FIP1L1: variants seen among roughly 807,000 people sequenced by gnomAD.
The protein encoded by FIP1L1 is factor interacting with PAPOLA and CPSF1, also known as pre-mRNA 3'-end-processing factor FIP1.
In FIP1L1, 21 loss-of-function variants were observed where a neutral mutation model predicts 84.6. The observed-to-expected ratio is 0.25, with a 90% CI of 0.18 to 0.36. The LOEUF is 0.36. Among genes scored for constraint, FIP1L1 ranks in the 10% least tolerant of loss-of-function variants. The pLI is 1.00. For synonymous variants in FIP1L1, 263 were observed against 242.3 expected (o/e 1.09, Z -0.80); for missense variants, 526 against 751.1 (o/e 0.70, Z 3.50).
intron 15 of FIP1L1, among the ~76,000 whole-genome samples, chr4:53,446,789 C>T (rs1376596818): frequency 6.6e-6 from 1 of 152,062 alleles, no homozygotes; most frequent in Non-Finnish European, 1.5e-5. Flanking sequence ...TGAGATTACC[C>T]ATTCAGTTTC....
Position 53,459,785 on chromosome 4 carries a change from T to A in FIP1L1, c.*336T>A. On this transcript the variant is annotated 3_prime_UTR_variant, in exon 18 of 18. Coordinates refer to ENST00000337488, the MANE Select transcript of FIP1L1 (RefSeq NM_030917.4). ...CAAGGGTTCCACTTGGGCCACAGTT[T>A]TTTTGTTAATCAAACACCACTCTCT... 3.1e-6 allele frequency: 1 copy of A among 320,978 alleles called. No homozygotes were observed. Among genetic ancestry groups the A allele is most frequent in the South Asian group, 4.8e-5 (1 of 20,834 alleles). The allele number at this position is 320,978 out of a possible 1,614,324, so 19.9% of individuals were successfully genotyped here.
Position 53,460,774 on chromosome 4 carries a change from G to T in FIP1L1, c.*1325G>T. 1.1e-6 allele frequency: 1 copy of T among 921,648 alleles called. No homozygotes were observed. The highest frequency in any genetic ancestry group is 1.6e-6 in the Non-Finnish European group (1 of 620,534). 57.1% of individuals were successfully genotyped at this position (921,648 alleles called of 1,614,324 possible). ...TCTGAGGTGTAACTGGCTTTCATTA[G>T]ATGATCATACTTTTCCTGACATTTT... On this transcript the variant is annotated 3_prime_UTR_variant, in exon 18 of 18. Coordinates refer to ENST00000337488, the MANE Select transcript of FIP1L1 (RefSeq NM_030917.4).
chr4:53,389,977 C>A, intron 6 of FIP1L1, 104 bp downstream of exon 6: 1 of 833,034 alleles, frequency 1.2e-6, no homozygotes, highest in Non-Finnish European at 1.9e-6. Context: ...CTGGCTCTGT[C>A]ACTCAGGCTG....
At chr4:53,442,597 T>C in intron 13 of FIP1L1, 56 bp from the exon 14 acceptor site, 1 of 1,225,078 alleles carries the variant, frequency 8.2e-7, no homozygotes, top group East Asian at 2.3e-5. Flanking sequence ...TTTGTTTCAC[T>C]CTTGACATTA....
intron 11 of FIP1L1, among the ~76,000 whole-genome samples, chr4:53,425,444 G>A (rs1449721798): frequency 1.3e-5 from 2 of 152,002 alleles, no homozygotes; most frequent in Non-Finnish European, 2.9e-5. Flanking sequence ...ATGTTAAAAT[G>A]AGCATTATTT....
chr4:53,403,152 G>A (rs912571241), intron 10 of FIP1L1, among the ~76,000 whole-genome samples: 4 of 152,112 alleles, frequency 2.6e-5, no homozygotes, highest in African/African-American at 7.2e-5. Context: ...GTGAAGTGTG[G>A]GGTCAAGAGA....
intron 9 of FIP1L1, among the ~76,000 whole-genome samples, chr4:53,396,165 C>T (rs1444504263): frequency 7.2e-5 from 11 of 152,150 alleles, no homozygotes; most frequent in South Asian, 2.1e-4. Context: ...GTGATCCACC[C>T]GCCTCGGCCT....
intron 1 of FIP1L1, chr4:53,378,256 G>T (rs1042464754): frequency 3.9e-5 from 10 of 257,480 alleles, no homozygotes; most frequent in Middle Eastern, 2.1e-3. Context: ...TTTTTCTGTC[G>T]ATTCTGAGGT....
At position 53,425,909 on chromosome 4, in the gene FIP1L1, A is replaced by G. The variant is rs1382695868; in HGVS notation, c.961A>G (p.Ile321Val). ...PGAIDVIGQTITISRVEGRRR... is the reference protein window; with the variant it reads ...PGAIDVIGQTVTISRVEGRRR... ...GGCAATTGATGTTATCGGTCAGACT[A>G]TAACTATCAGCCGAGTAGAAGGCAG... The change falls in exon 12 of 18, where the codon ATA becomes GTA. Residue 321 changes from isoleucine to valine, a missense_variant. Coordinates refer to ENST00000337488, the MANE Select transcript of FIP1L1 (RefSeq NM_030917.4). The G allele has an allele frequency of 4.3e-6, 7 of 1,612,120 alleles. No homozygotes were observed. Among genetic ancestry groups the G allele is most frequent in the Non-Finnish European group, 5.1e-6 (6 of 1,178,652 alleles).
chr4:53,453,706 C>T (rs1489301919), intron 16 of FIP1L1, among the ~76,000 whole-genome samples: 1 of 152,178 alleles, frequency 6.6e-6, no homozygotes, highest in Non-Finnish European at 1.5e-5. Context: ...CTCAAGTGAT[C>T]CTCCTGGCCT....
intron 12 of FIP1L1, 103 bp from the exon 13 acceptor site, chr4:53,427,924 A>G (rs1324048712): frequency 3.0e-6 from 3 of 1,009,454 alleles, no homozygotes; most frequent in Non-Finnish European, 4.3e-6. Flanking sequence ...TGTGAATTAA[A>G]CTACCTTTTA....
intron 11 of FIP1L1, among the ~76,000 whole-genome samples, chr4:53,422,697 GAT>G (rs1013160752): frequency 6.6e-6 from 1 of 150,378 alleles, no homozygotes; most frequent in South Asian, 2.1e-4. Context: ...AAGCAGCTGA[GAT>G]ATATATATAT....
rs1744205127 is a variant in FIP1L1 at position 53,391,442 on chromosome 4, A to G, written c.649A>G (p.Thr217Ala). 1.2e-6 allele frequency: 2 copies of G among 1,612,706 alleles called. No homozygotes were observed. The highest frequency in any genetic ancestry group is 2.2e-5 in the East Asian group (1 of 44,838). The change falls in exon 9 of 18, where the codon ACT becomes GCT. Residue 217 changes from threonine to alanine, a missense_variant. Coordinates refer to ENST00000337488, the MANE Select transcript of FIP1L1 (RefSeq NM_030917.4). ...TTNKITAEDC[T>A]MEVTPGAEIQ... ...TTATTTAACTTAGGCCGAAGACTGT[A>G]CTATGGAAGTTACACCAGGTGCAGA...
chr4:53,409,085 T>G (rs1197238331), intron 10 of FIP1L1, among the ~76,000 whole-genome samples: 1 of 152,176 alleles, frequency 6.6e-6, no homozygotes, highest in African/African-American at 2.4e-5. Context: ...TTTTTAGAGT[T>G]TCGAGTTTTT....
Position 53,377,671 on chromosome 4 carries a change from C to G in FIP1L1, c.-168C>G. 1.7e-6 allele frequency: 1 copy of G among 604,784 alleles called. No homozygotes were observed. Among genetic ancestry groups the G allele is most frequent in the Non-Finnish European group, 2.8e-6 (1 of 360,362 alleles). 37.5% of individuals were successfully genotyped at this position (604,784 alleles called of 1,614,324 possible). On this transcript the variant is annotated 5_prime_UTR_variant, in exon 1 of 18. Coordinates refer to ENST00000337488, the MANE Select transcript of FIP1L1 (RefSeq NM_030917.4). The stretch of plus-strand genomic sequence containing the variant: ...TGCGCAGACGGACCTGCGCTGGAGG[C>G]TTCATCTTTGCCGCCGCTGCCGTCG...
At chr4:53,419,049 G>A (rs1344566535) in intron 11 of FIP1L1, among the ~76,000 whole-genome samples, 1 of 152,200 alleles carries the variant, frequency 6.6e-6, no homozygotes, top group East Asian at 1.9e-4. Context: ...GTTTTTTTAA[G>A]ATTCTTGTAG....
intron 15 of FIP1L1, among the ~76,000 whole-genome samples, chr4:53,446,630 G>T (rs765979181): frequency 1.3e-5 from 2 of 152,070 alleles, no homozygotes; most frequent in Non-Finnish European, 2.9e-5. Context: ...TAATATGTAA[G>T]CATTTGGTGA....
intron 11 of FIP1L1, among the ~76,000 whole-genome samples, chr4:53,423,272 T>C (rs999035722): frequency 7.2e-5 from 11 of 152,218 alleles, no homozygotes; most frequent in African/African-American, 2.4e-4. Context: ...GGTTAGTTTC[T>C]TAGCTTTTTA....
intron 15 of FIP1L1, among the ~76,000 whole-genome samples, chr4:53,445,129 C>T (rs1560576591): frequency 1.3e-5 from 2 of 152,134 alleles, no homozygotes; most frequent in African/African-American, 4.8e-5. Context: ...AGACTGTGTG[C>T]TTATGCAGGA....
Sources: gnomAD v4.1 joint callset for allele counts (sites outside exome capture counted in the v4.1 genomes callset) on GRCh38, gnomAD v4.1.1 for gene constraint, MANE v1.5 for transcripts, NCBI Gene and HGNC (gene_info 2026-07-23, HGNC 2026-07-21) for gene names.